The following OR6A2 variants were observed in gnomAD, a reference collection of about 807,000 sequenced individuals.
OR6A2 encodes the protein olfactory receptor 6A2.
Under a neutral mutation model 7.1 loss-of-function variants are expected in OR6A2, and 6 were observed. That is an observed-to-expected ratio of 0.85 (90% CI 0.46 to 1.68). The LOEUF is 1.68. Ranked by LOEUF, OR6A2 falls within the 40% of genes most tolerant of loss-of-function variation. The pLI, the probability that OR6A2 is intolerant of heterozygous loss-of-function variation, is 0.01. For missense variants in OR6A2, 431 were observed against 398.0 expected (o/e 1.08, Z -0.71); for synonymous variants, 162 against 152.1 (o/e 1.06, Z -0.48).
intron 1 of OR6A2, among the ~76,000 whole-genome samples, chr11:6,799,017 A>G (rs1467358674): frequency 6.6e-6 from 1 of 152,220 alleles, no homozygotes; most frequent in African/African-American, 2.4e-5. Context: ...AAAGTATATA[A>G]AAAGGATTTT....
At position 6,795,855 on chromosome 11, in the gene OR6A2, C is replaced by T. The variant is rs1247044743; in HGVS notation, c.-147G>A. On this transcript the variant is annotated 5_prime_UTR_variant, in exon 2 of 2. Transcript: ENST00000641196. ...ATGTAATTAATCACTGAGCTGAGGC[C>T]ACTGCTCTCTTCTTTAATCTGGAAA... The T allele has an allele frequency of 2.0e-5, 13 of 654,806 alleles. No homozygotes were observed. The highest frequency in any genetic ancestry group is 3.2e-5 in the Non-Finnish European group (12 of 375,772). The allele number at this position is 654,806 out of a possible 1,614,324, so 40.6% of individuals were successfully genotyped here. A position where few individuals can be genotyped will look rare whatever the true frequency, so the allele number is the denominator to read the frequency against.
Position 6,794,720 on chromosome 11 carries a change from C to G in OR6A2, c.*5G>C. On this transcript the variant is annotated 3_prime_UTR_variant, in exon 2 of 2. Transcript: ENST00000641196. ...TAGCATTTTATCAGATTTCACACATCCCTTCTATACATTTCTGCTAGCTTT... is the reference window on the plus strand; with the variant it reads ...TAGCATTTTATCAGATTTCACACATGCCTTCTATACATTTCTGCTAGCTTT... 1 of 1,610,426 alleles carries G rather than the reference C, an allele frequency of 6.2e-7. No homozygotes were observed. Among genetic ancestry groups the G allele is most frequent in the Admixed American group, 1.7e-5 (1 of 59,810 alleles).
chr11:6,795,967 AT>A (rs1293944457), intron 1 of OR6A2, 83 bp from the exon 2 acceptor site: 1 of 378,086 alleles, frequency 2.6e-6, no homozygotes, highest in East Asian at 4.1e-5. Context: ...TTGGAGAAGC[AT>A]GCATTGAGAT....
At position 6,795,845 on chromosome 11, in the gene OR6A2, G is replaced by A; in HGVS notation, c.-137C>T. 1 of 693,244 alleles carries A rather than the reference G, an allele frequency of 1.4e-6. No homozygotes were observed. The highest frequency in any genetic ancestry group is 2.7e-5 in the East Asian group (1 of 37,640). The allele number at this position is 693,244 out of a possible 1,614,324, so 42.9% of individuals were successfully genotyped here. A position where few individuals can be genotyped will look rare whatever the true frequency, so the allele number is the denominator to read the frequency against. On this transcript the variant is annotated 5_prime_UTR_variant, in exon 2 of 2. Coordinates refer to ENST00000641196, the MANE Select transcript of OR6A2 (RefSeq NM_003696.3). ...TAAGGAGTTCATGTAATTAATCACTGAGCTGAGGCCACTGCTCTCTTCTTT... is the reference window on the plus strand; with the variant it reads ...TAAGGAGTTCATGTAATTAATCACTAAGCTGAGGCCACTGCTCTCTTCTTT...
At chr11:6,795,994 G>T in intron 1 of OR6A2, 110 bp from the exon 2 acceptor site, 2 of 309,878 alleles carry the variant, frequency 6.5e-6, no homozygotes, top group Non-Finnish European at 1.2e-5. Context: ...GGGGAAAAAT[G>T]ACACTATTTT....
At chr11:6,797,411 G>C (rs1847758495) in intron 1 of OR6A2, among the ~76,000 whole-genome samples, 2 of 152,116 alleles carry the variant, frequency 1.3e-5, no homozygotes, top group African/African-American at 4.8e-5. Flanking sequence ...AGATAAGTGG[G>C]AACATCAAAC....
intron 1 of OR6A2, among the ~76,000 whole-genome samples, chr11:6,799,199 T>C (rs1847777359): frequency 6.6e-6 from 1 of 152,110 alleles, no homozygotes; most frequent in Non-Finnish European, 1.5e-5. Context: ...AGAGATATAA[T>C]ATTTGGGTAA....
chr11:6,799,496 A>G (rs1006215149), intron 1 of OR6A2, 48 bp downstream of exon 1: 2 of 152,214 alleles, frequency 1.3e-5, no homozygotes, highest in Non-Finnish European at 2.9e-5. Context: ...AAAACTTGGG[A>G]TAATTGACCA....
chr11:6,795,103 A>G lies in OR6A2; in HGVS notation c.606T>C (p.Leu202=), dbSNP rs770888334. The G allele has an allele frequency of 1.9e-6, 3 of 1,614,140 alleles. No homozygotes were observed. Among genetic ancestry groups the G allele is most frequent in the South Asian group, 2.2e-5 (2 of 91,082 alleles). The change falls in exon 2 of 2, where the codon CTT becomes CTC. Residue 202 remains leucine, a synonymous_variant. Coordinates refer to ENST00000641196, the MANE Select transcript of OR6A2 (RefSeq NM_003696.3). ...LSCTDMSTAE[L]TDFILAIFIL... is the part of the protein sequence containing the mutation. The stretch of plus-strand genomic sequence containing the variant: ...TAAAAATGGCCAGGATGAAATCTGT[A>G]AGCTCTGCTGTGGACATATCAGTGC...
At position 6,795,049 on chromosome 11, in the gene OR6A2, C is replaced by T; in HGVS notation, c.660G>A (p.Gly220=). ...CACCAGTAATGGCCACATAGGAGGC[C>T]CCAGTGACAGAGAGTGGCCCTAGAA... The part of the protein sequence containing the change: ...FILLGPLSVT[G]ASYVAITGAV... The change falls in exon 2 of 2, where the codon GGG becomes GGA. Residue 220 remains glycine (G), a synonymous_variant. Coordinates refer to ENST00000641196, the MANE Select transcript of OR6A2 (RefSeq NM_003696.3). 1.9e-6 allele frequency: 3 copies of T among 1,613,918 alleles called. No individual in the cohort carries two copies. Among genetic ancestry groups the T allele is most frequent in the Non-Finnish European group, 2.5e-6 (3 of 1,179,988 alleles).
intron 1 of OR6A2, among the ~76,000 whole-genome samples, chr11:6,796,890 G>T (rs1404189567): frequency 6.6e-6 from 1 of 152,136 alleles, no homozygotes. Context: ...TTGGGAGAGA[G>T]TGTGGAGTTT....
rs776672935 is a variant in OR6A2 at position 6,795,230 on chromosome 11, A to T, written c.479T>A (p.Ile160Asn). 60 of 1,613,980 alleles carry T rather than the reference A, an allele frequency of 3.7e-5. 2 individuals are homozygous for T. In the Middle Eastern group the frequency reaches 6.6e-4, roughly 18 times the overall value. ...AAGSWAGGFGISMVKVFLISG... is the reference protein window; with the variant it reads ...AAGSWAGGFGNSMVKVFLISG... ...AATAAGAAAAACTTTGACCATGGAG[A>T]TGCCAAAACCTCCAGCCCAAGAGCC... is the stretch of plus-strand genomic sequence containing the variant. The change falls in exon 2 of 2, where the codon ATC becomes AAC. Residue 160 changes from isoleucine to asparagine, a missense_variant. By Grantham distance (149) the Ile-to-Asn change is moderately radical. Transcript: ENST00000641196.
At chr11:6,797,274 T>A (rs991471898) in intron 1 of OR6A2, among the ~76,000 whole-genome samples, 1 of 152,184 alleles carries the variant, frequency 6.6e-6, no homozygotes, top group African/African-American at 2.4e-5. Flanking sequence ...TTGTGGTATA[T>A]AAAGGTTCAC....
intron 1 of OR6A2, among the ~76,000 whole-genome samples, chr11:6,798,935 G>C (rs1434489789): frequency 6.6e-6 from 1 of 152,112 alleles, no homozygotes; most frequent in Admixed American, 6.6e-5. Flanking sequence ...ATGAATGCAT[G>C]GCAAAAAGGA....
chr11:6,796,718 T>C (rs1346704873), intron 1 of OR6A2, among the ~76,000 whole-genome samples: 1 of 152,236 alleles, frequency 6.6e-6, no homozygotes, highest in Admixed American at 6.5e-5. Flanking sequence ...TTTACTAGGA[T>C]ACTGTTTGTT....
rs941369753 is a variant in OR6A2, at chr11:6,793,661, T to C, written c.*1064A>G. 1.3e-5 allele frequency: 2 copies of C among 152,170 alleles called. No homozygotes were observed. The highest frequency in any genetic ancestry group is 4.8e-5 in the African/African-American group (2 of 41,454). The allele number at this position is 152,170 out of a possible 1,614,324, so 9.4% of individuals were successfully genotyped here. A position where few individuals can be genotyped will look rare whatever the true frequency, so the allele number is the denominator to read the frequency against. On this transcript the variant is annotated 3_prime_UTR_variant, in exon 2 of 2. Transcript: ENST00000641196. ...TTTAAACAAGCAAATATGGCTGATA[T>C]TTTTGATACTGTTATATAACATAAT...
At chr11:6,799,500 T>C (rs1305151117) in intron 1 of OR6A2, 44 bp downstream of exon 1, 2 of 152,324 alleles carry the variant, frequency 1.3e-5, no homozygotes, top group East Asian at 1.9e-4. Flanking sequence ...CTTGGGATAA[T>C]TGACCACTTG....
Position 6,795,482 on chromosome 11 carries a change from G to T in OR6A2, c.227C>A (p.Thr76Asn). Residue 76 changes from threonine (T) to asparagine (N), a missense_variant, in exon 2 of 2, where the codon ACT (threonine) becomes AAT (asparagine). Coordinates refer to ENST00000641196, the MANE Select transcript of OR6A2 (RefSeq NM_003696.3). ...AGCAAGCATCTTGGGAATAGTGACA[G>T]TGACATACCAGATCTCCAGAAAGGA... ...NMSFLEIWYVTVTIPKMLAGF... is the reference protein window; with the variant it reads ...NMSFLEIWYVNVTIPKMLAGF... 3.7e-6 allele frequency: 6 copies of T among 1,614,138 alleles called. No homozygotes were observed. Among genetic ancestry groups the T allele is most frequent in the Non-Finnish European group, 5.1e-6 (6 of 1,180,002 alleles).
Position 6,794,576 on chromosome 11 carries a change from C to T in OR6A2, c.*149G>A. 9.7e-7 allele frequency: 1 copy of T among 1,028,280 alleles called. No homozygotes were observed. The highest frequency in any genetic ancestry group is 1.4e-6 in the Non-Finnish European group (1 of 711,716). 63.7% of individuals were successfully genotyped at this position (1,028,280 alleles called of 1,614,324 possible). A position where few individuals can be genotyped will look rare whatever the true frequency, so the allele number is the denominator to read the frequency against. ...CTTGCAACCTATTCCTCTCTCTCCTCTTGGACTAGTTAAAGAAAGTATTCC... is the reference window on the plus strand; with the variant it reads ...CTTGCAACCTATTCCTCTCTCTCCTTTTGGACTAGTTAAAGAAAGTATTCC... On this transcript the variant is annotated 3_prime_UTR_variant, in exon 2 of 2. Coordinates refer to ENST00000641196, the MANE Select transcript of OR6A2 (RefSeq NM_003696.3).
Sources: gnomAD v4.1 joint callset for allele counts (sites outside exome capture counted in the v4.1 genomes callset) on GRCh38, gnomAD v4.1.1 for gene constraint, MANE v1.5 for transcripts, NCBI Gene and HGNC (gene_info 2026-07-23, HGNC 2026-07-21) for gene names.